Variants in SLC46A3 observed in about 807,000 individuals in gnomAD.
SLC46A3 encodes lysosomal proton-coupled steroid conjugate and bile acid symporter SLC46A3.
A neutral mutation model predicts 38.5 loss-of-function variants in SLC46A3; 26 were observed. The ratio of observed to expected loss-of-function variants is 0.68; its 90% confidence interval spans 0.49 to 0.94. The LOEUF is 0.94. Among genes scored for constraint, SLC46A3 ranks in the 40% least tolerant of loss-of-function variants. The probability of loss-of-function intolerance (pLI) is 0.00; values close to 1 mark genes in which losing one functional copy is unlikely to be tolerated. For synonymous variants in SLC46A3, 185 were observed against 192.5 expected (o/e 0.96, Z 0.32); for missense variants, 510 against 544.3 (o/e 0.94, Z 0.63).
chr13:28,713,620 G>T, intron 2 of SLC46A3, 70 bp from the exon 3 acceptor site: 1 of 1,465,238 alleles, frequency 6.8e-7, no homozygotes, highest in Non-Finnish European at 9.2e-7. Flanking sequence ...ATATCATGGT[G>T]CATATGCTTT....
intron 2 of SLC46A3, 76 bp from the exon 3 acceptor site, chr13:28,713,626 G>A (rs1885438698): frequency 5.6e-6 from 8 of 1,429,898 alleles, no homozygotes; most frequent in Non-Finnish European, 1.9e-6. Context: ...TGGTGCATAT[G>A]CTTTTTTCCC....
intron 4 of SLC46A3, among the ~76,000 whole-genome samples, chr13:28,708,330 A>G (rs1885236583): frequency 6.6e-6 from 1 of 152,142 alleles, no homozygotes. Flanking sequence ...AACACTTGCT[A>G]TGGCCTATTT....
Position 28,701,532 on chromosome 13 carries a change from G to A in SLC46A3, c.1351C>T (p.Gln451Ter), listed in dbSNP as rs750351737. The A allele has an allele frequency of 3.1e-6, 5 of 1,612,954 alleles. No individual in the cohort carries two copies. Among genetic ancestry groups the A allele is most frequent in the African/African-American group, 1.3e-5 (1 of 74,886 alleles). Residue 451 changes from glutamine (Q) to a stop codon, truncating the protein, a stop_gained, in exon 6 of 6, where the codon CAA becomes TAA. Coordinates refer to ENST00000266943, the MANE Select transcript of SLC46A3 (RefSeq NM_181785.4). LOFTEE classifies it high-confidence loss of function. ...WNEGSYELLI[Q>*]EESSEDASDR ...GAAGCATCTTCACTGGATTCTTCTT[G>A]TATAAGAAGTTCATAGCTTCCCTCA... is the stretch of plus-strand genomic sequence containing the variant.
At chr13:28,703,731 T>G in intron 5 of SLC46A3, 1 of 356,912 alleles carries the variant, frequency 2.8e-6, no homozygotes, top group Non-Finnish European at 5.0e-6. Context: ...TGAATTTTCC[T>G]GTCATCCTTG....
rs1386243210 is a variant in SLC46A3, at chr13:28,718,553, T to A, written c.-82A>T. The A allele has an allele frequency of 6.6e-6, 1 of 152,460 alleles. No homozygotes were observed. Among genetic ancestry groups the A allele is most frequent in the African/African-American group, 2.4e-5 (1 of 41,480 alleles). 9.4% of individuals were successfully genotyped at this position (152,460 alleles called of 1,614,324 possible). ...ACAGGTCGGGCCGTGCCAGGGGCTG[T>A]CGCCTCGGATGCCCTGCGCTCGTGC... is the stretch of plus-strand genomic sequence containing the variant. On this transcript the variant is annotated 5_prime_UTR_variant, in exon 1 of 6. Transcript: ENST00000266943.
chr13:28,714,427 T>C (rs890079373), intron 2 of SLC46A3, among the ~76,000 whole-genome samples: 2 of 151,878 alleles, frequency 1.3e-5, no homozygotes, highest in Non-Finnish European at 2.9e-5. Context: ...CTGGGCAACA[T>C]AGCGAGACCC....
At chr13:28,711,727 T>C (rs1885349674) in intron 3 of SLC46A3, among the ~76,000 whole-genome samples, 1 of 152,240 alleles carries the variant, frequency 6.6e-6, no homozygotes, top group Non-Finnish European at 1.5e-5. Flanking sequence ...AAATATGACA[T>C]TAGCAGACCA....
intron 2 of SLC46A3, among the ~76,000 whole-genome samples, chr13:28,717,485 CT>C (rs56878379): frequency 0.011 from 1,398 of 126,766 alleles, 37 homozygotes; most frequent in African/African-American, 0.041. Context: ...AATTTTCAGA[CT>C]TTTTTTTTTT....
In SLC46A3 at chr13:28,701,513, T is replaced by C. The variant is rs767387910; in HGVS notation, c.1370A>G (p.Asp457Gly). The change falls in exon 6 of 6, where the codon GAT becomes GGT. Residue 457 changes from aspartate (D) to glycine (G), a missense_variant. Physicochemically the swap from Asp to Gly is moderately conservative, Grantham distance 94. Coordinates refer to ENST00000266943, the MANE Select transcript of SLC46A3 (RefSeq NM_181785.4). ...ELLIQEESSE[D>G]ASDR ...AAATCACAGTCACCTGTCTGAAGCA[T>C]CTTCACTGGATTCTTCTTGTATAAG... is the stretch of plus-strand genomic sequence containing the variant. The C allele has an allele frequency of 6.2e-7, 1 of 1,613,324 alleles. No homozygotes were observed. The highest frequency in any genetic ancestry group is 1.1e-5 in the South Asian group (1 of 90,976).
At chr13:28,716,539 C>T (rs537553296) in intron 2 of SLC46A3, among the ~76,000 whole-genome samples, 69 of 152,154 alleles carry the variant, frequency 4.5e-4, no homozygotes, top group African/African-American at 1.4e-3. Flanking sequence ...TTCTCACTCC[C>T]GGGAATGACC....
At chr13:28,702,548 A>G (rs1247039418) in intron 5 of SLC46A3, among the ~76,000 whole-genome samples, 1 of 152,226 alleles carries the variant, frequency 6.6e-6, no homozygotes, top group East Asian at 1.9e-4. Context: ...TAGTACTATT[A>G]TCAACAATGT....
intron 4 of SLC46A3, among the ~76,000 whole-genome samples, chr13:28,704,778 C>A (rs1337735301): frequency 6.6e-6 from 1 of 152,178 alleles, no homozygotes; most frequent in Non-Finnish European, 1.5e-5. Flanking sequence ...TTAAGTGATT[C>A]TTTAAAACAT....
chr13:28,712,288 A>T (rs1885364669), intron 3 of SLC46A3, among the ~76,000 whole-genome samples: 1 of 152,192 alleles, frequency 6.6e-6, no homozygotes, highest in African/African-American at 2.4e-5. Flanking sequence ...TATTAAATTG[A>T]TATAGTTTTT....
Position 28,701,223 on chromosome 13 carries a change from T to C in SLC46A3, c.*274A>G. On this transcript the variant is annotated 3_prime_UTR_variant, in exon 6 of 6. Coordinates refer to ENST00000266943, the MANE Select transcript of SLC46A3 (RefSeq NM_181785.4). ...GATCCCTCCTTACACCCTTAAGTTT[T>C]AATGTTTCTCTTCTAAGTCTAAAAG... 1 of 1,391,760 alleles carries C rather than the reference T, an allele frequency of 7.2e-7. No homozygotes were observed. Among genetic ancestry groups the C allele is most frequent in the Non-Finnish European group, 9.3e-7 (1 of 1,075,736 alleles). The allele number at this position is 1,391,760 out of a possible 1,614,324, so 86.2% of individuals were successfully genotyped here. A position where few individuals can be genotyped will look rare whatever the true frequency, so the allele number is the denominator to read the frequency against.
intron 2 of SLC46A3, among the ~76,000 whole-genome samples, chr13:28,716,632 C>G (rs540205147): frequency 1.6e-4 from 24 of 152,078 alleles, no homozygotes; most frequent in East Asian, 5.8e-4. Context: ...TACGCCAGAA[C>G]CTTGATGTCT....
chr13:28,714,544 T>A (rs1376211805), intron 2 of SLC46A3, among the ~76,000 whole-genome samples: 2 of 151,756 alleles, frequency 1.3e-5, no homozygotes, highest in Admixed American at 6.6e-5. Flanking sequence ...AGGTCAGGAG[T>A]TTGAGACCAG....
intron 1 of SLC46A3, among the ~76,000 whole-genome samples, 170 bp from the exon 2 acceptor site, chr13:28,718,192 G>C (rs950925556): frequency 6.6e-6 from 1 of 152,176 alleles, no homozygotes; most frequent in Non-Finnish European, 1.5e-5. Context: ...TTGGAGTAGA[G>C]TACTCTGTAA....
chr13:28,717,230 C>T (rs1392405005), intron 2 of SLC46A3, among the ~76,000 whole-genome samples: 1 of 152,088 alleles, frequency 6.6e-6, no homozygotes, highest in Non-Finnish European at 1.5e-5. Flanking sequence ...CACAGCTGCT[C>T]CTCAACACGT....
rs755973855 is a variant in SLC46A3, at chr13:28,701,534, A to G, written c.1349T>C (p.Ile450Thr). ...AGCATCTTCACTGGATTCTTCTTGT[A>G]TAAGAAGTTCATAGCTTCCCTCATT... ...SWNEGSYELL[I>T]QEESSEDASD... Residue 450 changes from isoleucine to threonine, a missense_variant, in exon 6 of 6, where the codon ATA becomes ACA. Physicochemically the swap from Ile to Thr is moderately conservative, Grantham distance 89 (BLOSUM62 -1). Transcript: ENST00000266943. The G allele has an allele frequency of 3.7e-6, 6 of 1,613,434 alleles. No individual in the cohort carries two copies. The South Asian group carries it at 5.5e-5, about 15-fold the overall frequency.
Sources: gnomAD v4.1 joint callset for allele counts (sites outside exome capture counted in the v4.1 genomes callset) on GRCh38, gnomAD v4.1.1 for gene constraint, MANE v1.5 for transcripts, NCBI Gene and HGNC (gene_info 2026-07-23, HGNC 2026-07-21) for gene names.